The following PSD3 variants were observed in gnomAD, a reference collection of about 807,000 sequenced individuals.
PSD3 encodes pleckstrin and Sec7 domain containing 3, also known as PH and SEC7 domain-containing protein 3.
PSD3 carries 49 observed loss-of-function variants against 105.5 expected under a neutral mutation model. That is an observed-to-expected ratio of 0.46 (90% confidence interval 0.37 to 0.59). The LOEUF is 0.59. Ranked by LOEUF, PSD3 falls within the 20% of genes least tolerant of loss-of-function variation. PSD3 has a pLI of 0.00. For synonymous variants in PSD3, 557 were observed against 457.8 expected, an observed-to-expected ratio of 1.22 and a Z score of -2.77; for missense variants, 1,561 against 1,263.8, an observed-to-expected ratio of 1.24 and a Z score of -3.57.
At chr8:18,991,924 C>CA (rs1825827048) in intron 1 of PSD3, among the ~76,000 whole-genome samples, 1 of 152,156 alleles carries the variant, frequency 6.6e-6, no homozygotes, top group African/African-American at 2.4e-5. Flanking sequence ...ATTCAACCCT[C>CA]AAAAACACTC....
At chr8:18,975,821 A>AT (rs1296527828) in intron 1 of PSD3, among the ~76,000 whole-genome samples, 5 of 152,192 alleles carry the variant, frequency 3.3e-5, no homozygotes, top group African/African-American at 1.2e-4. Flanking sequence ...ATGCTAACTC[A>AT]TAAAAAAAAA....
At chr8:18,561,028 A>G (rs1187930516) in intron 14 of PSD3, among the ~76,000 whole-genome samples, 2 of 152,222 alleles carry the variant, frequency 1.3e-5, no homozygotes, top group African/African-American at 4.8e-5. Context: ...AAACTGTAAG[A>G]AGGCTCCTCA....
chr8:19,011,324 T>G (rs114598672), intron 1 of PSD3, among the ~76,000 whole-genome samples: 82 of 152,274 alleles, frequency 5.4e-4, no homozygotes, highest in Non-Finnish European at 3.5e-4. Flanking sequence ...AAATCACACC[T>G]GAATTTCTAT....
At chr8:18,813,915 C>T (rs547138219) in intron 4 of PSD3, among the ~76,000 whole-genome samples, 19 of 152,278 alleles carry the variant, frequency 1.2e-4, no homozygotes, top group Non-Finnish European at 2.1e-4. Context: ...GATCCATCTT[C>T]GTCACCAACA....
intron 1 of PSD3, among the ~76,000 whole-genome samples, chr8:19,078,604 T>C (rs1176063964): frequency 2.0e-5 from 3 of 151,968 alleles, no homozygotes; most frequent in East Asian, 2.0e-4. Context: ...CAGACCTCCA[T>C]GGTGTAACCA....
chr8:18,788,928 G>C (rs970610619), intron 8 of PSD3, among the ~76,000 whole-genome samples: 7 of 152,070 alleles, frequency 4.6e-5, no homozygotes, highest in Admixed American at 1.3e-4. Flanking sequence ...TATGACTGGG[G>C]GGCAAAGGAG....
At position 19,041,535 on chromosome 8, in the gene PSD3, G is replaced by A. The variant is rs141267528; in HGVS notation, c.324+42671C>T. ...GTTTAAGTAAAATTCAGTGCAAATA[G>A]TGCAAGCAAATGTTTTCCAGTGTGC... On this transcript the variant is annotated intron_variant, in intron 1 of 1. Coordinates refer to the PSD3 transcript ENST00000521475. Among the ~76,000 whole-genome samples the A allele has an allele frequency of 1.4e-4, 22 of 152,322 alleles. No individual in the cohort carries two copies. In the South Asian group the frequency reaches 4.6e-3, roughly 32 times the overall value.
chr8:19,082,704 G>T (rs1168212623), intron 1 of PSD3, among the ~76,000 whole-genome samples: 2 of 152,152 alleles, frequency 1.3e-5, no homozygotes, highest in Non-Finnish European at 2.9e-5. Context: ...GGGGAGAGTG[G>T]GAAAAGATGG....
At chr8:18,657,273 A>G (rs539705071) in intron 9 of PSD3, among the ~76,000 whole-genome samples, 1 of 152,338 alleles carries the variant, frequency 6.6e-6, no homozygotes, top group South Asian at 2.1e-4. Flanking sequence ...TAGTAAATTC[A>G]CTTTTCAGCA....
intron 1 of PSD3, among the ~76,000 whole-genome samples, chr8:19,070,442 G>T (rs1295428645): frequency 6.6e-6 from 1 of 150,632 alleles, no homozygotes; most frequent in East Asian, 1.9e-4. Flanking sequence ...TTGGGAGGCC[G>T]AGGTTGGTAG....
At chr8:18,556,467 C>G (rs1289223818) in intron 14 of PSD3, 115 bp from the exon 15 acceptor site, 1 of 1,010,830 alleles carries the variant, frequency 9.9e-7, no homozygotes, top group Non-Finnish European at 1.5e-6. Flanking sequence ...TAAAACAGCC[C>G]AATGTGCCTC....
rs200166498 is a variant in PSD3, at chr8:18,871,736, C to G, written c.1128G>C (p.Ser376=). 1.7e-5 allele frequency: 28 copies of G among 1,614,022 alleles called. No homozygotes were observed. The highest frequency in any genetic ancestry group is 4.0e-5 in the African/African-American group (3 of 74,888). Residue 376 remains serine (S), a synonymous_variant, in exon 3 of 16, where the codon TCG becomes TCC. Transcript: ENST00000327040. ...CAAGACGCACAGGGGAAAATGTCCC[C>G]GAGCTAGTGCCAGGCCTCTCTGAAG... is the stretch of plus-strand genomic sequence containing the variant. ...KAPSERPGTS[S]GTFSPVRLDE... is the part of the protein sequence containing the mutation.
intron 10 of PSD3, among the ~76,000 whole-genome samples, chr8:18,638,949 T>C (rs966343814): frequency 6.6e-6 from 1 of 152,096 alleles, no homozygotes; most frequent in Admixed American, 6.5e-5. Context: ...CAAGAATATA[T>C]AATGGGGGAA....
intron 1 of PSD3, among the ~76,000 whole-genome samples, chr8:18,987,330 C>G (rs1458243431): frequency 1.3e-5 from 2 of 151,290 alleles, no homozygotes; most frequent in African/African-American, 4.9e-5. Flanking sequence ...CACTTTCGCC[C>G]AGGCTAGAGT....
chr8:18,850,712 G>A (rs28446135), intron 4 of PSD3, among the ~76,000 whole-genome samples: 6,296 of 152,198 alleles, frequency 0.041, 298 homozygotes, highest in East Asian at 0.12. Context: ...GCACAAAAAG[G>A]TCTTGTAGCT....
At chr8:19,044,063 C>T (rs1375659480) in intron 1 of PSD3, among the ~76,000 whole-genome samples, 1 of 152,164 alleles carries the variant, frequency 6.6e-6, no homozygotes, top group African/African-American at 2.4e-5. Context: ...GGCCTCAGAG[C>T]CACCCACCTC....
At chr8:18,940,438 C>T (rs1011602411) in intron 1 of PSD3, 1 of 152,168 alleles carries the variant, frequency 6.6e-6, no homozygotes, top group Non-Finnish European at 1.5e-5. Flanking sequence ...GTTCAAAGTA[C>T]GCTCAGACTA....
intron 4 of PSD3, among the ~76,000 whole-genome samples, chr8:18,837,725 GCCC>G (rs1299127593): frequency 6.6e-6 from 1 of 152,086 alleles, no homozygotes; most frequent in East Asian, 1.9e-4. Flanking sequence ...AATCACTTGA[GCCC>G]AGGAGTTCCA....
At chr8:18,989,736 C>T (rs1302660716) in intron 1 of PSD3, among the ~76,000 whole-genome samples, 2 of 152,188 alleles carry the variant, frequency 1.3e-5, no homozygotes, top group Admixed American at 1.3e-4. Context: ...CTTTAAGCTG[C>T]CTCTCAAGAG....
Sources: allele counts gnomAD v4.1 joint callset (sites outside exome capture counted in the v4.1 genomes callset), GRCh38; gene constraint gnomAD v4.1.1; transcripts MANE v1.5; gene names NCBI Gene and HGNC (gene_info 2026-07-23, HGNC 2026-07-21).